Variants in PLEKHG1 observed in about 807,000 individuals in gnomAD.
PLEKHG1 encodes the protein pleckstrin homology and RhoGEF domain containing G1.
PLEKHG1 carries 44 observed loss-of-function variants against 100.8 expected under a neutral mutation model. The observed-to-expected ratio is 0.44, with a 90% CI of 0.34 to 0.56. The LOEUF is 0.56. Ranked by LOEUF, PLEKHG1 falls within the 20% of genes least tolerant of loss-of-function variation. The probability of loss-of-function intolerance (pLI) is 0.01; values close to 1 mark genes in which losing one functional copy is unlikely to be tolerated. For missense variants in PLEKHG1, 1,545 were observed against 1,720.9 expected (o/e 0.90, Z 1.81); for synonymous variants, 640 against 662.5 (o/e 0.97, Z 0.52).
rs6900518 is a variant in PLEKHG1 at position 150,683,153 on chromosome 6, C to G, written c.-99+32367C>G. Among the ~76,000 whole-genome samples the G allele has an allele frequency of 6.6e-6, 1 of 152,030 alleles. No homozygotes were observed. The highest frequency in any genetic ancestry group is 2.4e-5 in the African/African-American group (1 of 41,378). ...AGAGACTCCAGAGAGACACATGGCC[C>G]GAGTCAACCTTATCCTCTGTAGAGG... On this transcript the variant is annotated intron_variant, in intron 3 of 3. Transcript: ENST00000367326. This position sits in a 1 kb window ranked among gnomAD's most constrained non-coding sequence, Gnocchi z 4.0.
At chr6:150,790,021 T>C (rs1428909291) in intron 4 of PLEKHG1, among the ~76,000 whole-genome samples, 1 of 133,614 alleles carries the variant, frequency 7.5e-6, no homozygotes, top group East Asian at 2.4e-4. Flanking sequence ...GAAATTGAAA[T>C]ATTTTTTTTT....
At chr6:150,788,149 TC>T (rs1371562945) in intron 4 of PLEKHG1, among the ~76,000 whole-genome samples, 1 of 152,230 alleles carries the variant, frequency 6.6e-6, no homozygotes. Flanking sequence ...CGTTGCCAAC[TC>T]CCAAATCTTC....
At chr6:150,839,264 G>A (rs1235754394) in intron 15 of PLEKHG1, among the ~76,000 whole-genome samples, 13 of 152,110 alleles carry the variant, frequency 8.5e-5, no homozygotes, top group African/African-American at 2.9e-4. Flanking sequence ...ACAGGTGCAC[G>A]CCACCATGCC....
intron 14 of PLEKHG1, among the ~76,000 whole-genome samples, chr6:150,826,942 TTCTC>T (rs956175174): frequency 4.6e-5 from 7 of 151,938 alleles, no homozygotes; most frequent in Non-Finnish European, 1.0e-4. Context: ...TCCAGCCTGA[TTCTC>T]TCTCTATCTT....
At chr6:150,772,428 T>C (rs1403030840) in intron 3 of PLEKHG1, among the ~76,000 whole-genome samples, 1 of 152,218 alleles carries the variant, frequency 6.6e-6, no homozygotes, top group Non-Finnish European at 1.5e-5. Context: ...GAGACCAGCC[T>C]GGGCAACGTG....
At chr6:150,707,331 A>G (rs565203930) in intron 3 of PLEKHG1, among the ~76,000 whole-genome samples, 1 of 152,172 alleles carries the variant, frequency 6.6e-6, no homozygotes, top group South Asian at 2.1e-4. Flanking sequence ...TAGCTTACAC[A>G]TAGGAGGAAT....
At chr6:150,744,704 A>T (rs1251892609) in intron 2 of PLEKHG1, among the ~76,000 whole-genome samples, 3 of 152,188 alleles carry the variant, frequency 2.0e-5, no homozygotes. Flanking sequence ...ATGTGGTGAC[A>T]TCCCTCAGTG....
At chr6:150,823,662 C>A in exon 14 of PLEKHG1, 1 of 1,609,870 alleles carries the variant, frequency 6.2e-7, no homozygotes, top group Non-Finnish European at 8.5e-7. Context: ...AGAAACAGCA[C>A]AAGACATCCA....
intron 12 of PLEKHG1, 78 bp from the exon 14 acceptor site, chr6:150,821,117 C>T (rs1328058801): frequency 1.1e-5 from 12 of 1,120,982 alleles, no homozygotes; most frequent in South Asian, 1.0e-4. Flanking sequence ...TCAATAGGCT[C>T]ATAATCCTCT....
At position 150,831,283 on chromosome 6, in the gene PLEKHG1, A is replaced by C. The variant is rs1178749914; in HGVS notation, c.2172A>C (p.Gly724=). ...AAACAGATGGCACCCTCTCAGGTGG[A>C]GAGGCATCCAGCCAAAGCACGCATG... Residue 724 remains glycine (G), a synonymous_variant, in exon 15 of 16, where the codon GGA becomes GGC. Transcript: ENST00000358517. This position sits in a 1 kb window ranked among gnomAD's most constrained non-coding sequence, Gnocchi z 4.1. 6.2e-7 allele frequency: 1 copy of C among 1,614,138 alleles called. No homozygotes were observed. The highest frequency in any genetic ancestry group is 2.2e-5 in the East Asian group (1 of 44,876).
intron 3 of PLEKHG1, among the ~76,000 whole-genome samples, chr6:150,700,221 C>T (rs925346980): frequency 6.6e-6 from 1 of 152,192 alleles, no homozygotes; most frequent in African/African-American, 2.4e-5. Context: ...TACAGAGCAG[C>T]GGTGTCTACC....
At position 150,831,181 on chromosome 6, in the gene PLEKHG1, C is replaced by T. The variant is rs376644879; in HGVS notation, c.2070C>T (p.Ser690=). The change falls in exon 15 of 16, where the codon TCC becomes TCT. Residue 690 remains serine, a synonymous_variant. Transcript: ENST00000358517. The surrounding 1 kb of genome is among the most constrained non-coding windows in gnomAD (Gnocchi z 4.1). ...CTCCCTCTAAATCAGCCAGGGACTC[C>T]GTTCGCCCCAAGAGCACCCCAGAGT... 146 of 1,614,028 alleles carry T rather than the reference C, an allele frequency of 9.0e-5. No homozygotes were observed. The highest frequency in any genetic ancestry group is 1.1e-4 in the Non-Finnish European group (135 of 1,180,030).
At chr6:150,825,965 G>GGTC (rs1270100884) in intron 14 of PLEKHG1, among the ~76,000 whole-genome samples, 55 of 152,144 alleles carry the variant, frequency 3.6e-4, no homozygotes, top group African/African-American at 1.3e-3. Context: ...GATCACCTGA[G>GGTC]GTCAGGAGTT....
At chr6:150,724,558 C>CTTTTTTTTTTTTTTTTTTTTT (rs34140367) in intron 1 of PLEKHG1, among the ~76,000 whole-genome samples, 1 of 100,472 alleles carries the variant, frequency 1.0e-5, no homozygotes, top group East Asian at 2.8e-4. Context: ...TTTTCTTTTT[C>CTTTTTTTTTTTTTTTTTTTTT]TTTTTTTTTT....
intron 2 of PLEKHG1, among the ~76,000 whole-genome samples, chr6:150,645,832 A>G (rs1407938676): frequency 2.6e-5 from 4 of 152,196 alleles, no homozygotes; most frequent in Non-Finnish European, 4.4e-5. Flanking sequence ...CTTTAGAATT[A>G]CCAGTAAAGT....
At chr6:150,634,243 T>TC (rs372926333) in intron 1 of PLEKHG1, among the ~76,000 whole-genome samples, 1 of 90,344 alleles carries the variant, frequency 1.1e-5, no homozygotes, top group Non-Finnish European at 2.3e-5. Context: ...AAACTCGATC[T>TC]CCCCCCCAAA....
At chr6:150,824,105 TAAG>T (rs966744879) in intron 14 of PLEKHG1, among the ~76,000 whole-genome samples, 32 of 152,342 alleles carry the variant, frequency 2.1e-4, no homozygotes, top group African/African-American at 7.2e-4. Flanking sequence ...GGCCCCCTTC[TAAG>T]AATATGGTTC....
At chr6:150,750,133 ATAT>A (rs1242942684) in intron 2 of PLEKHG1, among the ~76,000 whole-genome samples, 1 of 152,336 alleles carries the variant, frequency 6.6e-6, no homozygotes, top group Admixed American at 6.5e-5. Flanking sequence ...AATAAAGAAA[ATAT>A]TATAATGTCT....
At chr6:150,740,878 C>T (rs1054224302) in intron 2 of PLEKHG1, among the ~76,000 whole-genome samples, 2 of 152,144 alleles carry the variant, frequency 1.3e-5, no homozygotes, top group African/African-American at 4.8e-5. Context: ...TTAAATAGTA[C>T]ATCTAATCAT....
Sources: allele counts gnomAD v4.1 joint callset (sites outside exome capture counted in the v4.1 genomes callset), GRCh38; gene constraint gnomAD v4.1.1; non-coding constraint Gnocchi (gnomAD v3.1); transcripts MANE v1.5; gene names NCBI Gene and HGNC (gene_info 2026-07-23, HGNC 2026-07-21).